The following ABCB5 variants were observed in gnomAD, a reference collection of about 807,000 sequenced individuals.
ABCB5 encodes ATP binding cassette subfamily B member 5, also known as ATP-binding cassette sub-family B member 5.
Under a neutral mutation model 144.2 loss-of-function variants are expected in ABCB5, and 155 were observed. The observed-to-expected ratio is 1.08, with a 90% CI of 0.94 to 1.23. ABCB5 has a LOEUF of 1.23. Ranked by LOEUF, ABCB5 falls within the 50% of genes most tolerant of loss-of-function variation. The pLI is 0.00. For synonymous variants in ABCB5, 610 were observed against 528.6 expected, an observed-to-expected ratio of 1.15 and a Z score of -2.11; for missense variants, 1,830 against 1,520.8, an observed-to-expected ratio of 1.20 and a Z score of -3.38.
chr7:20,657,968 T>G (rs1376280161), intron 13 of ABCB5, among the ~76,000 whole-genome samples: 2 of 152,200 alleles, frequency 1.3e-5, no homozygotes, highest in Non-Finnish European at 2.9e-5. Context: ...ATATCTACTT[T>G]GTTAAAGATA....
chr7:20,681,192 C>G (rs1472115022), intron 14 of ABCB5, among the ~76,000 whole-genome samples: 4 of 150,996 alleles, frequency 2.6e-5, no homozygotes, highest in African/African-American at 9.8e-5. Flanking sequence ...AATGGCATGA[C>G]CTTGGCTCAC....
chr7:20,724,649 A>AGG lies in ABCB5; in HGVS notation c.2625+1432_2625+1433dup, dbSNP rs56403139. The stretch of plus-strand genomic sequence containing the variant: ...GTCTCAAAAAAAAAAAAAAAAAAAA[A>AGG]GGGTGTTCCTCTCCTAATACTGTTT... On this transcript the variant is annotated intron_variant, in intron 21 of 27. Coordinates refer to ENST00000404938, the MANE Select transcript of ABCB5 (RefSeq NM_001163941.2). 1.7e-3 allele frequency among the ~76,000 whole-genome samples: 243 copies of AGG among 139,470 alleles called. 3 individuals carry two copies. Among genetic ancestry groups the AGG allele is most frequent in the African/African-American group, 5.8e-3 (216 of 36,944 alleles). 91.5% of individuals were successfully genotyped at this position (139,470 alleles called of 152,430 possible). A position where few individuals can be genotyped will look rare whatever the true frequency, so the allele number is the denominator to read the frequency against.
At chr7:20,712,158 C>CA (rs34938819) in intron 20 of ABCB5, among the ~76,000 whole-genome samples, 30,950 of 52,478 alleles carry the variant, frequency 0.59, 9,206 homozygotes, top group East Asian at 0.82. Flanking sequence ...AAGACGCCGT[C>CA]AAAAAAAAAA....
intron 14 of ABCB5, chr7:20,667,514 TA>T: frequency 1.0e-6 from 1 of 979,752 alleles, no homozygotes; most frequent in South Asian, 4.7e-5. Context: ...TGTGACGTGT[TA>T]ATGCTCTCTT....
chr7:20,722,188 T>C (rs900526308), intron 20 of ABCB5, among the ~76,000 whole-genome samples: 14 of 152,214 alleles, frequency 9.2e-5, no homozygotes, highest in African/African-American at 3.4e-4. Context: ...ATCTGTAAGT[T>C]AGGGTTGAAG....
chr7:20,727,191 G>C, intron 22 of ABCB5, 51 bp downstream of exon 22: 1 of 1,380,584 alleles, frequency 7.2e-7, no homozygotes, highest in African/African-American at 1.4e-5. Context: ...TTCTGTAAAG[G>C]CAGTACTCTC....
chr7:20,700,815 T>C (rs751508937), intron 19 of ABCB5, among the ~76,000 whole-genome samples: 2 of 152,224 alleles, frequency 1.3e-5, no homozygotes, highest in African/African-American at 2.4e-5. Flanking sequence ...TAATCATTAG[T>C]AGCCCTTCAC....
chr7:20,676,437 A>G (rs1042596651), intron 14 of ABCB5, among the ~76,000 whole-genome samples: 1 of 152,182 alleles, frequency 6.6e-6, no homozygotes, highest in Non-Finnish European at 1.5e-5. Context: ...GGAAGTCCAT[A>G]TGGAACAACA....
intron 14 of ABCB5, 27 bp from the exon 15 acceptor site, chr7:20,681,474 CTATT>C: frequency 1.2e-6 from 2 of 1,610,132 alleles, no homozygotes; most frequent in African/African-American, 1.3e-5. Context: ...CTACTAATGT[CTATT>C]TATTTTCTAT....
intron 20 of ABCB5, among the ~76,000 whole-genome samples, chr7:20,721,689 A>G (rs1043403212): frequency 3.9e-5 from 6 of 152,196 alleles, no homozygotes; most frequent in African/African-American, 1.2e-4. Context: ...CAATAGAAAG[A>G]GATAATTTGT....
intron 16 of ABCB5, among the ~76,000 whole-genome samples, chr7:20,691,169 T>C (rs899104289): frequency 3.5e-4 from 2 of 5,650 alleles, no homozygotes; most frequent in Admixed American, 5.2e-3. Context: ...CCCAGTGGAC[T>C]TTTTTTTTTT....
intron 25 of ABCB5, 111 bp downstream of exon 25, chr7:20,743,185 T>C: frequency 6.0e-6 from 7 of 1,167,986 alleles, no homozygotes; most frequent in Admixed American, 2.5e-5. Flanking sequence ...AATGCAGAAG[T>C]TAAAAAGAAA....
intron 7 of ABCB5, among the ~76,000 whole-genome samples, chr7:20,644,815 T>C (rs182120849): frequency 1.4e-3 from 207 of 152,348 alleles, no homozygotes; most frequent in African/African-American, 4.8e-3. Flanking sequence ...CTATAATGGC[T>C]AATCCCTTAA....
At position 20,643,598 on chromosome 7, in the gene ABCB5, C is replaced by T. The variant is rs1784342013; in HGVS notation, c.644C>T (p.Pro215Leu). Residue 215 changes from proline to leucine, a missense_variant, in exon 7 of 28, where the codon CCT (proline) becomes CTT (leucine). Transcript: ENST00000404938. ...ACCCTAGTGACTCTATCCACGTCTC[C>T]TCTTATAATGGCTTCAGCGGCAGCA... ...KLTLVTLSTS[P>L]LIMASAAACS... is the part of the protein sequence containing the mutation. The T allele has an allele frequency of 6.2e-7, 1 of 1,613,828 alleles. No homozygotes were observed. Among genetic ancestry groups the T allele is most frequent in the African/African-American group, 1.3e-5 (1 of 74,910 alleles).
intron 14 of ABCB5, chr7:20,666,630 C>G (rs529995124): frequency 2.0e-4 from 246 of 1,202,874 alleles, no homozygotes; most frequent in Non-Finnish European, 2.7e-4. Context: ...AGCAAAGTGT[C>G]AAGTAGAGAC....
intron 27 of ABCB5, among the ~76,000 whole-genome samples, chr7:20,755,137 T>C (rs974499653): frequency 2.0e-5 from 3 of 152,130 alleles, no homozygotes; most frequent in African/African-American, 7.2e-5. Flanking sequence ...TTAGTAGAGA[T>C]GGGATTTCTC....
intron 14 of ABCB5, among the ~76,000 whole-genome samples, chr7:20,678,744 G>C (rs767140067): frequency 7.9e-5 from 12 of 152,340 alleles, no homozygotes; most frequent in African/African-American, 2.9e-4. Flanking sequence ...TAAGTCTTTA[G>C]TAGTTAAGAC....
chr7:20,738,902 G>T, intron 23 of ABCB5, 81 bp from the exon 24 acceptor site: 1 of 1,416,666 alleles, frequency 7.1e-7, no homozygotes, highest in South Asian at 1.6e-5. Flanking sequence ...TCCTGTGCCT[G>T]CTTTTTTCTT....
chr7:20,681,058 C>CTCTTTCTTTCTTTCTT (rs869158355), intron 14 of ABCB5, among the ~76,000 whole-genome samples: 11 of 47,504 alleles, frequency 2.3e-4, no homozygotes, highest in South Asian at 9.7e-4. Context: ...CTCTCTCTCT[C>CTCTTTCTTTCTTTCTT]TCTTTCTTTC....
Sources: gnomAD v4.1 joint callset for allele counts (sites outside exome capture counted in the v4.1 genomes callset) on GRCh38, gnomAD v4.1.1 for gene constraint, MANE v1.5 for transcripts, NCBI Gene and HGNC (gene_info 2026-07-23, HGNC 2026-07-21) for gene names.